The following ZNF532 variants were observed in gnomAD, a reference collection of about 807,000 sequenced individuals.
ZNF532 encodes the protein zinc finger protein 532.
Under a neutral mutation model 89.3 loss-of-function variants are expected in ZNF532, and 22 were observed. That is an observed-to-expected ratio of 0.25 (90% CI 0.18 to 0.35). The LOEUF (loss-of-function observed/expected upper bound fraction) is 0.35. Among genes scored for constraint, ZNF532 ranks in the 10% least tolerant of loss-of-function variants. ZNF532 has a pLI of 1.00. For missense variants in ZNF532, 1,132 were observed against 1,643.4 expected (o/e 0.69, Z 5.38); for synonymous variants, 606 against 649.6 (o/e 0.93, Z 1.02).
chr18:58,954,725 T>TG (rs34967797), intron 7 of ZNF532, among the ~76,000 whole-genome samples: 28,839 of 147,824 alleles, frequency 0.2, 3,190 homozygotes, highest in Middle Eastern at 0.34. Flanking sequence ...TTTTTTTTTT[T>TG]TTTTTGAGAA....
In ZNF532 at chr18:58,939,601, C is replaced by T; in HGVS notation, c.2685C>T (p.Gly895=). 1 of 1,612,622 alleles carries T rather than the reference C, an allele frequency of 6.2e-7. No individual in the cohort carries two copies. The highest frequency in any genetic ancestry group is 1.3e-5 in the African/African-American group (1 of 74,946). The change falls in exon 5 of 10, where the codon GGC becomes GGT. Residue 895 remains glycine (G), a synonymous_variant. Coordinates refer to ENST00000591808, the MANE Select transcript of ZNF532 (RefSeq NM_001375912.1). ...CCCACGCCTACACACAGCATCCTGG[C>T]ATCAAGATAGGAGAACCAAAGTAAG... ...THSHAYTQHP[G]IKIGEPKIIY...
chr18:58,983,487 C>T (rs930769919), intron 9 of ZNF532, among the ~76,000 whole-genome samples: 2 of 152,166 alleles, frequency 1.3e-5, no homozygotes, highest in African/African-American at 4.8e-5. Context: ...TTGGCACTCA[C>T]AGCTTCCTAT....
intron 2 of ZNF532, among the ~76,000 whole-genome samples, chr18:58,888,400 G>T (rs978557750): frequency 1.3e-5 from 2 of 151,882 alleles, no homozygotes; most frequent in Non-Finnish European, 2.9e-5. Context: ...ATATGGCCGG[G>T]TGCAGTGGCT....
rs1222627915 is a variant in ZNF532 at position 58,942,361 on chromosome 18, T to TCCTCCCTCCCTC, written c.2705+2743_2705+2744insCCCTCCCTCCCT. On this transcript the variant is annotated intron_variant, in intron 5 of 9. Transcript: ENST00000591808. ...TCCCTCCCTCCCTCCCTTCCTTCCT[T>TCCTCCCTCCCTC]CCTTCCTTCCTTCCTTCCTTCCTTC... is the stretch of plus-strand genomic sequence containing the variant. Among the ~76,000 whole-genome samples, 68 of 55,848 alleles carry TCCTCCCTCCCTC rather than the reference T, an allele frequency of 1.2e-3. 4 individuals carry two copies. The highest frequency in any genetic ancestry group is 4.0e-3 in the African/African-American group (34 of 8,572). The allele number at this position is 55,848 out of a possible 152,430, so 36.6% of individuals were successfully genotyped here. A position where few individuals can be genotyped will look rare whatever the true frequency, so the allele number is the denominator to read the frequency against.
intron 2 of ZNF532, among the ~76,000 whole-genome samples, chr18:58,890,845 T>C (rs1405104389): frequency 2.6e-5 from 4 of 151,536 alleles, no homozygotes; most frequent in Admixed American, 1.3e-4. Context: ...TTTTTTTTTT[T>C]CCTTCTTAAA....
chr18:58,975,094 G>A (rs1293661231), intron 7 of ZNF532, among the ~76,000 whole-genome samples: 2 of 152,142 alleles, frequency 1.3e-5, no homozygotes, highest in African/African-American at 2.4e-5. Context: ...CAGTGGAAGG[G>A]GTCAGAGCTT....
chr18:58,950,921 A>ATG (rs1445944463), intron 6 of ZNF532, among the ~76,000 whole-genome samples: 1 of 151,474 alleles, frequency 6.6e-6, no homozygotes, highest in Admixed American at 6.6e-5. Flanking sequence ...TATAGGTGTG[A>ATG]GCCACCATTC....
chr18:58,897,116 G>A (rs1163204512), intron 2 of ZNF532, among the ~76,000 whole-genome samples: 1 of 151,988 alleles, frequency 6.6e-6, no homozygotes, highest in African/African-American at 2.4e-5. Flanking sequence ...TTTGATTCTG[G>A]TCTTGGTTAG....
At chr18:58,880,192 A>G (rs185655902) in intron 2 of ZNF532, among the ~76,000 whole-genome samples, 8 of 152,196 alleles carry the variant, frequency 5.3e-5, no homozygotes, top group South Asian at 2.1e-4. Flanking sequence ...CTCGATAGAC[A>G]CTTGTTTGTT....
intron 9 of ZNF532, among the ~76,000 whole-genome samples, chr18:58,982,276 CCTGGGGGA>C (rs2067882894): frequency 6.6e-6 from 1 of 151,732 alleles, no homozygotes; most frequent in Non-Finnish European, 1.5e-5. Context: ...TGCACCCAAA[CCTGGGGGA>C]CAAGAGCAGG....
At chr18:58,970,767 T>C (rs1051351564) in intron 7 of ZNF532, among the ~76,000 whole-genome samples, 3 of 152,226 alleles carry the variant, frequency 2.0e-5, no homozygotes. Context: ...GGGTCTGCAG[T>C]GAGAGTCCCA....
chr18:58,982,803 C>G (rs61451269), intron 9 of ZNF532, among the ~76,000 whole-genome samples: 4,588 of 151,920 alleles, frequency 0.03, 256 homozygotes, highest in African/African-American at 0.1. Flanking sequence ...TTCAAGTGCT[C>G]CTGGTGGTGA....
intron 2 of ZNF532, among the ~76,000 whole-genome samples, chr18:58,907,408 A>T (rs905650559): frequency 3.3e-5 from 5 of 151,278 alleles, no homozygotes; most frequent in Admixed American, 3.3e-4. Context: ...CTGGTCTTGA[A>T]CTCCTGACCT....
At chr18:58,959,938 C>G (rs1002373679) in intron 7 of ZNF532, among the ~76,000 whole-genome samples, 1 of 151,976 alleles carries the variant, frequency 6.6e-6, no homozygotes, top group African/African-American at 2.4e-5. Context: ...GTAGATTTTT[C>G]TTCTTTTTTT....
chr18:58,864,645 A>C (rs544971831), upstream of ZNF532: 1 of 143,686 alleles, frequency 7.0e-6, no homozygotes, highest in South Asian at 2.3e-4. Flanking sequence ...AGCATTTCCA[A>C]GGCTGTGTGC....
At chr18:58,921,519 C>T (rs1338550408) in intron 3 of ZNF532, among the ~76,000 whole-genome samples, 1 of 152,172 alleles carries the variant, frequency 6.6e-6, no homozygotes, top group Non-Finnish European at 1.5e-5. Flanking sequence ...TCCTTCACTG[C>T]AATGAATTTA....
At chr18:58,951,892 A>G (rs547319060) in intron 6 of ZNF532, among the ~76,000 whole-genome samples, 49 of 151,892 alleles carry the variant, frequency 3.2e-4, no homozygotes, top group Admixed American at 1.7e-3. Context: ...CTCGTGATCC[A>G]CCTGCCTCGG....
chr18:58,949,116 T>G (rs903777908), intron 6 of ZNF532, among the ~76,000 whole-genome samples: 8 of 152,158 alleles, frequency 5.3e-5, no homozygotes, highest in Non-Finnish European at 8.8e-5. Flanking sequence ...CTGGTGGTGT[T>G]CAGTTAATGA....
intron 3 of ZNF532, among the ~76,000 whole-genome samples, chr18:58,930,249 C>T (rs1775092277): frequency 6.6e-6 from 1 of 152,136 alleles, no homozygotes; most frequent in Non-Finnish European, 1.5e-5. Flanking sequence ...CCTTAACTGG[C>T]CAGAATGTAC....
Sources: allele counts gnomAD v4.1 joint callset (sites outside exome capture counted in the v4.1 genomes callset), GRCh38; gene constraint gnomAD v4.1.1; transcripts MANE v1.5; gene names NCBI Gene and HGNC (gene_info 2026-07-23, HGNC 2026-07-21).